The following B4GALT7 variants were observed in gnomAD, a reference collection of about 807,000 sequenced individuals.
The protein encoded by B4GALT7 is UDP-Gal:beta-GlcNAc beta-1,4-galactosyltransferase 7.
Under a neutral mutation model 33.0 loss-of-function variants are expected in B4GALT7, and 30 were observed. The observed-to-expected ratio is 0.91, with a 90% CI of 0.68 to 1.23. The LOEUF (loss-of-function observed/expected upper bound fraction) is 1.23, where lower values mean the gene tolerates loss of function less well. Ranked by LOEUF, B4GALT7 falls within the 50% of genes most tolerant of loss-of-function variation. The pLI is 0.00. For synonymous variants in B4GALT7, 213 were observed against 187.2 expected, an observed-to-expected ratio of 1.14 and a Z score of -1.13; for missense variants, 507 against 450.8, an observed-to-expected ratio of 1.12 and a Z score of -1.13.
At chr5:177,603,343 A>G (rs1290258849) in intron 1 of B4GALT7, 1 of 985,336 alleles carries the variant, frequency 1.0e-6, no homozygotes, top group Non-Finnish European at 1.2e-6. Context: ...AGGAACTTCC[A>G]GAGGAGCGGC....
chr5:177,601,736 G>C (rs898421337), intron 1 of B4GALT7, among the ~76,000 whole-genome samples: 37 of 152,084 alleles, frequency 2.4e-4, no homozygotes, highest in African/African-American at 8.9e-4. Flanking sequence ...CTTCTGGACT[G>C]CCCCTCAGAG....
At chr5:177,604,108 G>T in intron 1 of B4GALT7, 71 bp from the exon 2 acceptor site, 1 of 1,606,682 alleles carries the variant, frequency 6.2e-7, no homozygotes. Context: ...CTCGTGGGGA[G>T]GCCAGAGAAC....
rs749289544 is a variant in B4GALT7 at position 177,609,600 on chromosome 5, C to T, written c.889C>T (p.Arg297Cys). ...LNTVKYHVAS[R>C]TALSVGGAPC... Reference sequence around the variant, plus strand: ...CACTGTGAAGTACCATGTGGCTTCCCGCACTGCCCTGTCTGTGGGCGGGGC... The same window carrying T: ...CACTGTGAAGTACCATGTGGCTTCCTGCACTGCCCTGTCTGTGGGCGGGGC... Residue 297 changes from arginine to cysteine, a missense_variant, in exon 6 of 6, where the codon CGC becomes TGC. Physicochemically the swap from Arg to Cys is radical, Grantham distance 180 (BLOSUM62 -3). Transcript: ENST00000029410. 2.4e-5 allele frequency: 38 copies of T among 1,613,836 alleles called. No homozygotes were observed. The highest frequency in any genetic ancestry group is 8.3e-5 in the Admixed American group (5 of 60,008).
chr5:177,604,475 G>A lies in B4GALT7; in HGVS notation c.347G>A (p.Arg116His). Residue 116 changes from arginine to histidine, a missense_variant, in exon 2 of 6, where the codon CGC becomes CAC. Transcript: ENST00000029410. The stretch of plus-strand genomic sequence containing the variant: ...CTCCTGGTCTTCGTGCCCCACATGC[G>A]CCGCTTCCTGAGCAGGAAGAAGATC... ...EELLVFVPHM[R>H]RFLSRKKIRH... The A allele has an allele frequency of 6.8e-6, 11 of 1,613,988 alleles. No homozygotes were observed. Among genetic ancestry groups the A allele is most frequent in the Non-Finnish European group, 8.5e-6 (10 of 1,179,942 alleles).
chr5:177,603,829 G>C (rs919236164), intron 1 of B4GALT7, among the ~76,000 whole-genome samples: 4 of 152,114 alleles, frequency 2.6e-5, no homozygotes, highest in Non-Finnish European at 5.9e-5. Context: ...TCGTGGGGAG[G>C]AGCACCTGCA....
chr5:177,603,162 T>A (rs1031382456), intron 1 of B4GALT7: 1 of 978,862 alleles, frequency 1.0e-6, no homozygotes. Flanking sequence ...ATTACAGGCG[T>A]GAGCCACCAC....
In B4GALT7 at chr5:177,608,073, C is replaced by T. The variant is rs547930156; in HGVS notation, c.640-466C>T. On this transcript the variant is annotated intron_variant, in intron 3 of 5. Coordinates refer to ENST00000029410, the MANE Select transcript of B4GALT7 (RefSeq NM_007255.3). The surrounding 1 kb of genome is among the most constrained non-coding windows in gnomAD (Gnocchi z 4.1). The stretch of plus-strand genomic sequence containing the variant: ...CAGGAAGAAGCACTTGTGGCTCAGG[C>T]CTGGGTGTCCTCCTCTCCAGGCCAT... 1.3e-5 allele frequency: 3 copies of T among 239,458 alleles called. No homozygotes were observed. Among genetic ancestry groups the T allele is most frequent in the South Asian group, 5.4e-5 (1 of 18,484 alleles). 14.8% of individuals were successfully genotyped at this position (239,458 alleles called of 1,614,324 possible).
At chr5:177,601,746 G>A (rs1188566704) in intron 1 of B4GALT7, among the ~76,000 whole-genome samples, 1 of 152,088 alleles carries the variant, frequency 6.6e-6, no homozygotes, top group Non-Finnish European at 1.5e-5. Flanking sequence ...GCCCCTCAGA[G>A]CCAGGGTGGC....
Position 177,608,419 on chromosome 5 carries a change from G to A in B4GALT7, c.640-120G>A. On this transcript the variant is annotated intron_variant, in intron 3 of 5. Coordinates refer to ENST00000029410, the MANE Select transcript of B4GALT7 (RefSeq NM_007255.3). This position sits in a 1 kb window ranked among gnomAD's most constrained non-coding sequence, Gnocchi z 4.1. ...CCGCACTGCAGAAGTGCAGGAGCCT[G>A]CAAGCACCCGGGGCTTATTCAGAGG... 2 of 879,060 alleles carry A rather than the reference G, an allele frequency of 2.3e-6. No homozygotes were observed. Among genetic ancestry groups the A allele is most frequent in the East Asian group, 2.5e-5 (1 of 39,678 alleles). 54.5% of individuals were successfully genotyped at this position (879,060 alleles called of 1,614,324 possible).
chr5:177,609,839 C>T lies in B4GALT7; in HGVS notation c.*144C>T, dbSNP rs1055502320. 2.0e-5 allele frequency: 23 copies of T among 1,163,854 alleles called. No homozygotes were observed. The highest frequency in any genetic ancestry group is 3.0e-5 in the African/African-American group (2 of 65,808). 72.1% of individuals were successfully genotyped at this position (1,163,854 alleles called of 1,614,324 possible). A position where few individuals can be genotyped will look rare whatever the true frequency, so the allele number is the denominator to read the frequency against. ...AGCTACGCAATTGCAGCCACCCGGC[C>T]GCCAAGGCAGGCTTGGGCTGGGCCA... On this transcript the variant is annotated 3_prime_UTR_variant, in exon 6 of 6. Transcript: ENST00000029410.
chr5:177,603,973 G>A, intron 1 of B4GALT7: 1 of 682,836 alleles, frequency 1.5e-6, no homozygotes, highest in Non-Finnish European at 2.5e-6. Context: ...GAGAGCGGGT[G>A]GCATGGGTTG....
chr5:177,609,495 C>T (rs1411419826), intron 5 of B4GALT7, 45 bp from the exon 6 acceptor site: 1 of 1,610,714 alleles, frequency 6.2e-7, no homozygotes, highest in Non-Finnish European at 8.5e-7. Flanking sequence ...GTAGCTGGCA[C>T]CCATGCAGCC....
chr5:177,608,272 C>T lies in B4GALT7; in HGVS notation c.640-267C>T, dbSNP rs1405017611. Reference sequence around the variant, plus strand: ...AGTAGGAGCTGGCGCTTCTGCCCATCGACAGTTCCCCACAGAGATCCCCTC... The same window carrying T: ...AGTAGGAGCTGGCGCTTCTGCCCATTGACAGTTCCCCACAGAGATCCCCTC... On this transcript the variant is annotated intron_variant, in intron 3 of 5. Coordinates refer to ENST00000029410, the MANE Select transcript of B4GALT7 (RefSeq NM_007255.3). This position sits in a 1 kb window ranked among gnomAD's most constrained non-coding sequence, Gnocchi z 4.1. 5.8e-6 allele frequency: 3 copies of T among 517,490 alleles called. No individual in the cohort carries two copies. Among genetic ancestry groups the T allele is most frequent in the East Asian group, 6.8e-5 (2 of 29,292 alleles). 32.1% of individuals were successfully genotyped at this position (517,490 alleles called of 1,614,324 possible). A position where few individuals can be genotyped will look rare whatever the true frequency, so the allele number is the denominator to read the frequency against.
Position 177,600,248 on chromosome 5 carries a change from GGGA to G in B4GALT7, c.42_44del (p.Glu14del), listed in dbSNP as rs1561812459. The G allele has an allele frequency of 2.2e-6, 3 of 1,385,316 alleles. No individual in the cohort carries two copies. The highest frequency in any genetic ancestry group is 2.8e-6 in the Non-Finnish European group (3 of 1,063,282). 85.8% of individuals were successfully genotyped at this position (1,385,316 alleles called of 1,614,324 possible). ...CGGAGGAAAGCGGCGCAGCTGCCCT[GGGA>G]GGACGGCAGGTGAGCGGCGGCGGTG... On this transcript the variant is annotated inframe_deletion, in exon 1 of 6. Coordinates refer to ENST00000029410, the MANE Select transcript of B4GALT7 (RefSeq NM_007255.3). This position sits in a 1 kb window ranked among gnomAD's most constrained non-coding sequence, Gnocchi z 4.4.
At position 177,608,604 on chromosome 5, in the gene B4GALT7, T is replaced by G. The variant is rs1460892986; in HGVS notation, c.705T>G (p.Ile235Met). 16 of 1,613,718 alleles carry G rather than the reference T, an allele frequency of 9.9e-6. No individual in the cohort carries two copies. The highest frequency in any genetic ancestry group is 1.4e-5 in the Non-Finnish European group (16 of 1,180,016). ...GREDDEFYRR[I>M]KGAGLQLFRP... ...AGGACGACGAGTTCTACCGGCGCATTAAGGGAGCTGGGCTCCAGGTGAGAT... is the reference window on the plus strand; with the variant it reads ...AGGACGACGAGTTCTACCGGCGCATGAAGGGAGCTGGGCTCCAGGTGAGAT... Residue 235 changes from isoleucine to methionine, a missense_variant, in exon 4 of 6, where the codon ATT (isoleucine) becomes ATG (methionine). Transcript: ENST00000029410. This position sits in a 1 kb window ranked among gnomAD's most constrained non-coding sequence, Gnocchi z 4.1.
intron 1 of B4GALT7, among the ~76,000 whole-genome samples, chr5:177,602,558 G>A (rs150164961): frequency 2.6e-4 from 39 of 152,278 alleles, no homozygotes; most frequent in African/African-American, 9.1e-4. Flanking sequence ...ATTGGAGTTC[G>A]GCTCTGAAGG....
Position 177,608,411 on chromosome 5 carries a change from A to G in B4GALT7, c.640-128A>G. ...CCTGCCGCCCGCACTGCAGAAGTGC[A>G]GGAGCCTGCAAGCACCCGGGGCTTA... On this transcript the variant is annotated intron_variant, in intron 3 of 5. Transcript: ENST00000029410. The surrounding 1 kb of genome is among the most constrained non-coding windows in gnomAD (Gnocchi z 4.1). The G allele has an allele frequency of 1.2e-6, 1 of 800,594 alleles. No individual in the cohort carries two copies. The allele number at this position is 800,594 out of a possible 1,614,324, so 49.6% of individuals were successfully genotyped here.
At chr5:177,602,283 G>C (rs999302348) in intron 1 of B4GALT7, among the ~76,000 whole-genome samples, 6 of 152,154 alleles carry the variant, frequency 3.9e-5, no homozygotes, top group African/African-American at 1.4e-4. Flanking sequence ...CTGGCTTCCA[G>C]GTTGGCGGTC....
chr5:177,603,732 G>T (rs1207050735), intron 1 of B4GALT7, among the ~76,000 whole-genome samples: 8 of 152,152 alleles, frequency 5.3e-5, no homozygotes. Context: ...TGCTGGGGTG[G>T]ATCTGTAGGG....
Sources: gnomAD v4.1 joint callset for allele counts (sites outside exome capture counted in the v4.1 genomes callset) on GRCh38, gnomAD v4.1.1 for gene constraint, Gnocchi (gnomAD v3.1) non-coding constraint, MANE v1.5 for transcripts, NCBI Gene and HGNC (gene_info 2026-07-23, HGNC 2026-07-21) for gene names.